Variants in PHLDB2 observed in about 807,000 individuals in gnomAD.
The protein encoded by PHLDB2 is pleckstrin homology-like domain family B member 2.
A neutral mutation model predicts 123.6 loss-of-function variants in PHLDB2; 71 were observed. The ratio of observed to expected loss-of-function variants is 0.57; its 90% confidence interval spans 0.47 to 0.70. PHLDB2 has a LOEUF of 0.70. Among genes scored for constraint, PHLDB2 ranks in the 30% least tolerant of loss-of-function variants. PHLDB2 has a pLI of 0.00. For missense variants in PHLDB2, 1,446 were observed against 1,519.5 expected, an observed-to-expected ratio of 0.95 and a Z score of 0.80; for synonymous variants, 547 against 541.6, an observed-to-expected ratio of 1.01 and a Z score of -0.14.
At chr3:111,852,187 C>T (rs181576156) in intron 2 of PHLDB2, among the ~76,000 whole-genome samples, 1 of 151,698 alleles carries the variant, frequency 6.6e-6, no homozygotes. Context: ...TCAGAATTCT[C>T]CCGTGTGCTG....
At chr3:111,955,436 A>G (rs573012747) in intron 12 of PHLDB2, among the ~76,000 whole-genome samples, 2 of 151,972 alleles carry the variant, frequency 1.3e-5, no homozygotes, top group East Asian at 3.9e-4. Flanking sequence ...CTGTTGAAAC[A>G]TTTTTCTGTA....
Position 111,940,538 on chromosome 3 carries a change from A to G in PHLDB2, c.2290A>G (p.Lys764Glu). 1 of 1,593,480 alleles carries G rather than the reference A, an allele frequency of 6.3e-7. No homozygotes were observed. ...YQRNIVSRKEKISALKKQANH... is the reference protein window; with the variant it reads ...YQRNIVSRKEEISALKKQANH... ...ATGATCATCTCTTTTCCTCCAGGAA[A>G]AAATTTCTGCATTGAAAAAGCAAGC... Residue 764 changes from lysine to glutamate, a missense_variant, in exon 8 of 18, where the codon AAA (lysine) becomes GAA (glutamate). By Grantham distance (56) the Lys-to-Glu change is moderately conservative. Around this residue, in one of 3 missense-constraint regions of PHLDB2, gnomAD observed 594 missense variants for 646.0 expected, o/e 0.92. Coordinates refer to ENST00000431670, the MANE Select transcript of PHLDB2 (RefSeq NM_001134438.2).
intron 1 of PHLDB2, among the ~76,000 whole-genome samples, chr3:111,795,563 A>G (rs1016388705): frequency 6.6e-6 from 1 of 152,154 alleles, no homozygotes; most frequent in Non-Finnish European, 1.5e-5. Flanking sequence ...TAGGCTTTTG[A>G]TAAATAATCT....
At chr3:111,889,294 T>C (rs1353064772) in intron 2 of PHLDB2, among the ~76,000 whole-genome samples, 1 of 152,244 alleles carries the variant, frequency 6.6e-6, no homozygotes, top group Non-Finnish European at 1.5e-5. Context: ...AAAATGTATT[T>C]TTTTCTTAAA....
chr3:111,809,144 T>G (rs2061723079), intron 1 of PHLDB2, among the ~76,000 whole-genome samples: 1 of 152,214 alleles, frequency 6.6e-6, no homozygotes, highest in Non-Finnish European at 1.5e-5. Flanking sequence ...GATTATTCAA[T>G]TATGATATTG....
In PHLDB2 at chr3:111,966,639, T is replaced by G; in HGVS notation, c.3104T>G (p.Ile1035Arg). 6.2e-7 allele frequency: 1 copy of G among 1,613,186 alleles called. No homozygotes were observed. Among genetic ancestry groups the G allele is most frequent in the East Asian group, 2.2e-5 (1 of 44,872 alleles). Reference sequence around the variant, plus strand: ...GCCAGCACTTCAAATATTGCTAGAATAGAAGAAATGGAGAGACTTTTGAAG... The same window carrying G: ...GCCAGCACTTCAAATATTGCTAGAAGAGAAGAAATGGAGAGACTTTTGAAG... ...SSASTSNIAR[I>R]EEMERLLKQA... Residue 1035 changes from isoleucine (I) to arginine (R), a missense_variant, in exon 14 of 18, where the codon ATA becomes AGA. By Grantham distance (97) the Ile-to-Arg change is moderately conservative. Transcript: ENST00000431670.
chr3:111,913,068 A>G (rs1160871074), intron 2 of PHLDB2, among the ~76,000 whole-genome samples: 1 of 152,224 alleles, frequency 6.6e-6, no homozygotes, highest in African/African-American at 2.4e-5. Context: ...CAGCCCTGTG[A>G]TATACCAATA....
intron 1 of PHLDB2, among the ~76,000 whole-genome samples, chr3:111,792,993 C>T (rs1218464499): frequency 6.6e-6 from 1 of 152,200 alleles, no homozygotes; most frequent in East Asian, 1.9e-4. Context: ...AGACCCAAAG[C>T]TAGCACAGCA....
chr3:111,744,733 G>A (rs2059655497), intron 1 of PHLDB2, among the ~76,000 whole-genome samples: 1 of 152,172 alleles, frequency 6.6e-6, no homozygotes, highest in African/African-American at 2.4e-5. Flanking sequence ...CAAGTCATTT[G>A]ACCTCTGTAA....
chr3:111,886,404 A>G (rs143097687), intron 2 of PHLDB2, among the ~76,000 whole-genome samples: 30 of 152,030 alleles, frequency 2.0e-4, no homozygotes, highest in African/African-American at 2.2e-4. Flanking sequence ...ATGCCACCCA[A>G]TACAAACTCA....
intron 3 of PHLDB2, chr3:111,914,026 T>A (rs1200809258): frequency 3.3e-6 from 1 of 304,190 alleles, no homozygotes; most frequent in Non-Finnish European, 6.1e-6. Context: ...CTTCCTAATA[T>A]TTTCTGTGTA....
At chr3:111,737,291 G>A (rs1031932138) in intron 1 of PHLDB2, among the ~76,000 whole-genome samples, 2 of 152,174 alleles carry the variant, frequency 1.3e-5, no homozygotes, top group African/African-American at 4.8e-5. Context: ...CATCCCATGC[G>A]ACAGTCATGT....
At chr3:111,866,644 G>A (rs536107439) in intron 1 of PHLDB2, among the ~76,000 whole-genome samples, 1 of 152,270 alleles carries the variant, frequency 6.6e-6, no homozygotes, top group South Asian at 2.1e-4. Context: ...GGTCAAGAGA[G>A]AGCATCTTTA....
At chr3:111,885,658 A>C in intron 2 of PHLDB2, 1 of 673,818 alleles carries the variant, frequency 1.5e-6, no homozygotes, top group South Asian at 1.7e-5. Flanking sequence ...GACTTCTCAC[A>C]AGTATAAATT....
chr3:111,761,192 A>G (rs527843082), intron 1 of PHLDB2, among the ~76,000 whole-genome samples: 7 of 151,852 alleles, frequency 4.6e-5, no homozygotes, highest in African/African-American at 1.2e-4. Flanking sequence ...TCAAAAAAAA[A>G]AAAAAAGAAA....
At chr3:111,811,634 A>T (rs1277436936) in intron 1 of PHLDB2, among the ~76,000 whole-genome samples, 2 of 152,134 alleles carry the variant, frequency 1.3e-5, no homozygotes, top group African/African-American at 4.8e-5. Context: ...TAATCAATAG[A>T]TTCCTCACTA....
chr3:111,949,170 T>A lies in PHLDB2; in HGVS notation c.2631+95T>A, dbSNP rs114987181. 1.4e-3 allele frequency: 1,975 copies of A among 1,408,958 alleles called. 26 individuals carry two copies. In the African/African-American group the frequency reaches 0.025, roughly 18 times the overall value. The allele number at this position is 1,408,958 out of a possible 1,614,324, so 87.3% of individuals were successfully genotyped here. ...AAAATGAGGTCCACGAGAACGTGCA[T>A]GACAAATGTATATCTGTTTGGCCAG... On this transcript the variant is annotated intron_variant, in intron 10 of 17. Transcript: ENST00000431670.
intron 1 of PHLDB2, among the ~76,000 whole-genome samples, chr3:111,845,656 G>A (rs1156639570): frequency 2.0e-5 from 3 of 152,132 alleles, no homozygotes; most frequent in African/African-American, 7.2e-5. Flanking sequence ...GATAGCAGTG[G>A]AATAACAGAG....
intron 1 of PHLDB2, among the ~76,000 whole-genome samples, chr3:111,799,265 C>A (rs1247417795): frequency 6.6e-6 from 1 of 152,046 alleles, no homozygotes; most frequent in African/African-American, 2.4e-5. Context: ...GAAGCTGGTA[C>A]TCTTATTATA....
Sources: gnomAD v4.1 joint callset for allele counts (sites outside exome capture counted in the v4.1 genomes callset) on GRCh38, gnomAD v4.1.1 for gene constraint, gnomAD v4.1.1 regional missense constraint, MANE v1.5 for transcripts, NCBI Gene and HGNC (gene_info 2026-07-23, HGNC 2026-07-21) for gene names.